CEP72: variants seen among roughly 807,000 people sequenced by gnomAD.
The protein encoded by CEP72 is centrosomal protein of 72 kDa.
CEP72 carries 78 observed loss-of-function variants against 65.7 expected under a neutral mutation model. That is an observed-to-expected ratio of 1.19 (90% confidence interval 0.99 to 1.43). The LOEUF is 1.43. CEP72 is among the 40% of genes most tolerant of loss of function. The probability of loss-of-function intolerance (pLI) is 0.00; values close to 1 mark genes in which losing one functional copy is unlikely to be tolerated. For missense variants in CEP72, 914 were observed against 832.9 expected, an observed-to-expected ratio of 1.10 and a Z score of -1.20; for synonymous variants, 358 against 351.7, an observed-to-expected ratio of 1.02 and a Z score of -0.20.
At chr5:668,159 C>G (rs78353688), downstream of CEP72, among the ~76,000 whole-genome samples, 7 of 60,968 alleles carry the variant, frequency 1.1e-4, no homozygotes, top group Admixed American at 3.7e-4. Context: ...AGGGAAGTAC[C>G]GACAAGCACA....
intron 11 of CEP72, among the ~76,000 whole-genome samples, chr5:651,585 G>C (rs944846070): frequency 6.6e-6 from 1 of 152,024 alleles, no homozygotes; most frequent in African/African-American, 2.4e-5. Context: ...CTGGCTATAG[G>C]GGGATGGTGA....
Position 624,989 on chromosome 5 carries a change from C to G in CEP72, c.512+410C>G, listed in dbSNP as rs979046226. ...TTCAGCAGGACCCGTCTTCCTGGAT[C>G]GAGGAGGACTTCTTCCTCCCCCACC... On this transcript the variant is annotated intron_variant, in intron 4 of 11. Coordinates refer to ENST00000264935, the MANE Select transcript of CEP72 (RefSeq NM_018140.4). This position sits in a 1 kb window ranked among gnomAD's most constrained non-coding sequence, Gnocchi z 4.7. Among the ~76,000 whole-genome samples, 1 of 152,164 alleles carries G rather than the reference C, an allele frequency of 6.6e-6. No homozygotes were observed. The highest frequency in any genetic ancestry group is 1.5e-5 in the Non-Finnish European group (1 of 68,020).
At chr5:635,284 C>T in intron 5 of CEP72, 88 bp from the exon 6 acceptor site, 2 of 1,008,692 alleles carry the variant, frequency 2.0e-6, no homozygotes, top group Non-Finnish European at 3.0e-6. Context: ...AGATACCATA[C>T]ACTATTCAGA....
chr5:637,614 G>A lies in CEP72; in HGVS notation c.1002G>A (p.Lys334=). The change falls in exon 7 of 12, where the codon AAG becomes AAA. Residue 334 remains lysine (K), a synonymous_variant. Transcript: ENST00000264935. ...TGCCAGCCCCCGGAAAGTGCAGGAA[G>A]CGAAGAATGCCTGTTGGAAGATTCC... The part of the protein sequence containing the change: ...GPLPAPGKCR[K]RRMPVGRFQT... 1.2e-6 allele frequency: 2 copies of A among 1,614,130 alleles called. No homozygotes were observed. The highest frequency in any genetic ancestry group is 1.1e-5 in the South Asian group (1 of 91,088).
In CEP72 at chr5:637,650, G is replaced by T. The variant is rs994450589; in HGVS notation, c.1038G>T (p.Ser346=). The T allele has an allele frequency of 6.2e-7, 1 of 1,614,008 alleles. No homozygotes were observed. The highest frequency in any genetic ancestry group is 8.5e-7 in the Non-Finnish European group (1 of 1,180,036). ...RMPVGRFQTF[S]DQEGLGCPER... ...CTGTTGGAAGATTCCAGACGTTTTC[G>T]GACCAGGAGGGTTTGGGCTGCCCGG... Residue 346 remains serine (S), a synonymous_variant, in exon 7 of 12, where the codon TCG becomes TCT. Coordinates refer to ENST00000264935, the MANE Select transcript of CEP72 (RefSeq NM_018140.4).
intron 4 of CEP72, among the ~76,000 whole-genome samples, chr5:633,450 G>T (rs1035051256): frequency 2.0e-5 from 3 of 150,450 alleles, no homozygotes; most frequent in Non-Finnish European, 3.0e-5. Context: ...GTCCTGGTGG[G>T]GTTCTGTTCA....
At position 640,504 on chromosome 5, in the gene CEP72, A is replaced by G; in HGVS notation, c.1439A>G (p.Glu480Gly). Residue 480 changes from glutamate to glycine, a missense_variant, in exon 9 of 12, where the codon GAG (glutamate) becomes GGG (glycine). Glu to Gly is a moderately conservative substitution (Grantham distance 98). Coordinates refer to ENST00000264935, the MANE Select transcript of CEP72 (RefSeq NM_018140.4). ...GAAGATGTCGGCTCCCTGGCTCTGG[A>G]GAGTAAGTCCCTGCAAAGCCGCCTT... Reference protein sequence around the residue: ...VGEDVGSLALESKSLQSRLAE... With the variant: ...VGEDVGSLALGSKSLQSRLAE... The G allele has an allele frequency of 6.2e-7, 1 of 1,614,010 alleles. No individual in the cohort carries two copies. The highest frequency in any genetic ancestry group is 1.1e-5 in the South Asian group (1 of 91,078).
chr5:638,744 C>G (rs1303935492), intron 7 of CEP72, among the ~76,000 whole-genome samples: 2 of 152,170 alleles, frequency 1.3e-5, no homozygotes, highest in East Asian at 3.9e-4. Flanking sequence ...AGGCTGCTTC[C>G]TGGGCAGCTC....
chr5:620,354 A>T, intron 3 of CEP72, 93 bp downstream of exon 3: 1 of 1,090,346 alleles, frequency 9.2e-7, no homozygotes, highest in Non-Finnish European at 1.4e-6. Context: ...TCAACGTCAC[A>T]TGCTTGATTC....
chr5:640,302 C>G (rs1465086662), intron 8 of CEP72, 106 bp from the exon 9 acceptor site: 2 of 1,490,556 alleles, frequency 1.3e-6, no homozygotes, highest in Admixed American at 2.1e-5. Flanking sequence ...TACCTGTCGT[C>G]TTTTTGAGGC....
intron 3 of CEP72, 102 bp downstream of exon 3, chr5:620,363 T>G: frequency 9.7e-7 from 1 of 1,032,690 alleles, no homozygotes; most frequent in South Asian, 1.5e-5. Flanking sequence ...CATGCTTGAT[T>G]CCTTCTGGAA....
At chr5:631,779 T>G (rs1362348824) in intron 4 of CEP72, among the ~76,000 whole-genome samples, 2 of 63,808 alleles carry the variant, frequency 3.1e-5, no homozygotes, top group African/African-American at 1.1e-4. Context: ...CTGGTGGGGT[T>G]CTGTCCAGTG....
chr5:634,549 A>G (rs1220701170), intron 5 of CEP72, among the ~76,000 whole-genome samples: 1 of 152,240 alleles, frequency 6.6e-6, no homozygotes, highest in Non-Finnish European at 1.5e-5. Flanking sequence ...TGCTCGAGCC[A>G]TGTCCTTGCC....
chr5:628,703 C>A (rs1579956194), intron 4 of CEP72, among the ~76,000 whole-genome samples: 2 of 133,800 alleles, frequency 1.5e-5, no homozygotes, highest in Non-Finnish European at 3.3e-5. Flanking sequence ...GGGGAGTGTT[C>A]CCAGGACCCA....
intron 4 of CEP72, among the ~76,000 whole-genome samples, chr5:626,991 C>CT (rs1736797800): frequency 6.6e-6 from 1 of 152,118 alleles, no homozygotes; most frequent in South Asian, 2.1e-4. Context: ...CTTATATTGC[C>CT]TTTGTCTGGT....
At chr5:638,268 G>A (rs750641046) in intron 7 of CEP72, among the ~76,000 whole-genome samples, 4 of 152,212 alleles carry the variant, frequency 2.6e-5, no homozygotes, top group East Asian at 1.9e-4. Flanking sequence ...TGACCCTTTC[G>A]TGAGGGGAGG....
intron 9 of CEP72, chr5:642,542 C>G (rs1407518775): frequency 1.1e-5 from 11 of 985,406 alleles, no homozygotes; most frequent in Non-Finnish European, 1.2e-5. Flanking sequence ...ACAGGCGGAG[C>G]CCAAAGGTGT....
chr5:644,037 C>G (rs1309400291), intron 9 of CEP72: 5 of 412,312 alleles, frequency 1.2e-5, no homozygotes, highest in Non-Finnish European at 2.2e-5. Flanking sequence ...CAGGGAGACT[C>G]AGGAGTGGGG....
chr5:654,124 CTG>C (rs1303170090), downstream of CEP72, among the ~76,000 whole-genome samples: 2 of 132,492 alleles, frequency 1.5e-5, no homozygotes, highest in African/African-American at 2.9e-5. Flanking sequence ...TGTGTGTGTG[CTG>C]TGTGTGCTAG....
Sources: gnomAD v4.1 joint callset for allele counts (sites outside exome capture counted in the v4.1 genomes callset) on GRCh38, gnomAD v4.1.1 for gene constraint, Gnocchi (gnomAD v3.1) non-coding constraint, MANE v1.5 for transcripts, NCBI Gene and HGNC (gene_info 2026-07-23, HGNC 2026-07-21) for gene names.